Variants in PDS5B observed in about 807,000 individuals in gnomAD.
PDS5B encodes PDS5 cohesin associated factor B, also known as sister chromatid cohesion protein PDS5 homolog B.
A neutral mutation model predicts 184.1 loss-of-function variants in PDS5B; 51 were observed. That is an observed-to-expected ratio of 0.28 (90% CI 0.22 to 0.35). The LOEUF (loss-of-function observed/expected upper bound fraction) is 0.35, where lower values mean the gene tolerates loss of function less well. Among genes scored for constraint, PDS5B ranks in the 10% least tolerant of loss-of-function variants. The pLI is 1.00. For missense variants in PDS5B, 1,180 were observed against 1,723.3 expected, an observed-to-expected ratio of 0.68 and a Z score of 5.58; for synonymous variants, 566 against 569.2, an observed-to-expected ratio of 0.99 and a Z score of 0.08.
chr13:32,587,962 TA>T lies in PDS5B; in HGVS notation c.-20+1372del, dbSNP rs547351829. 1.1e-4 allele frequency among the ~76,000 whole-genome samples: 16 copies of T among 152,350 alleles called. 1 individual carries two copies. The East Asian group carries it at 3.1e-3, about 29-fold the overall frequency. On this transcript the variant is annotated intron_variant, in intron 1 of 34. Transcript: ENST00000315596. ...GTGTTTACATACAGGAGGCGAGCTG[TA>T]AATAAATCGTAATTACCCAATGCTT... is the stretch of plus-strand genomic sequence containing the variant.
chr13:32,751,641 T>C (rs4942880), intron 24 of PDS5B, among the ~76,000 whole-genome samples: 59,032 of 152,118 alleles, frequency 0.39, 11,959 homozygotes, highest in Non-Finnish European at 0.45. Flanking sequence ...GCTTGTTGTC[T>C]GTGTGTATAT....
In PDS5B at chr13:32,753,454, G is replaced by C. The variant is rs181714377; in HGVS notation, c.2859G>C (p.Glu953Asp). Residue 953 changes from glutamate (E) to aspartate (D), a missense_variant, in exon 25 of 35, where the codon GAG (glutamate) becomes GAC (aspartate). Physicochemically the swap from Glu to Asp is conservative, Grantham distance 45. Around this residue, in one of 11 missense-constraint regions of PDS5B, gnomAD observed 40 missense variants for 107.2 expected, o/e 0.37. Transcript: ENST00000315596. ...TTTGTGCAAAAGATCCTGTAAAGGA[G>C]AGAAGAGCTCATGCTAGGCAATGTT... ...CALCAKDPVK[E>D]RRAHARQCLV... 1 of 1,613,910 alleles carries C rather than the reference G, an allele frequency of 6.2e-7. No individual in the cohort carries two copies.
intron 3 of PDS5B, 42 bp from the exon 4 acceptor site, chr13:32,658,197 G>A (rs7335546): frequency 0.38 from 326,716 of 856,964 alleles, 66,117 homozygotes; most frequent in Non-Finnish European, 0.42. Context: ...TTTTCATTTA[G>A]CGTTCATAAT....
At chr13:32,669,295 T>C (rs1033768581) in intron 7 of PDS5B, among the ~76,000 whole-genome samples, 1 of 152,048 alleles carries the variant, frequency 6.6e-6, no homozygotes, top group African/African-American at 2.4e-5. Flanking sequence ...TTTTCTTTTT[T>C]TTTGGAGGGG....
At chr13:32,606,567 G>A (rs2058063816) in intron 1 of PDS5B, among the ~76,000 whole-genome samples, 1 of 152,160 alleles carries the variant, frequency 6.6e-6, no homozygotes, top group Admixed American at 6.5e-5. Flanking sequence ...TTCTCGAGGA[G>A]TATCTTTGTG....
chr13:32,645,703 G>C (rs1000360698), intron 1 of PDS5B, among the ~76,000 whole-genome samples: 1 of 152,110 alleles, frequency 6.6e-6, no homozygotes, highest in Non-Finnish European at 1.5e-5. Flanking sequence ...CTTGTTATCT[G>C]TTTTGTTAAG....
chr13:32,655,215 A>G (rs1344132182), intron 3 of PDS5B, among the ~76,000 whole-genome samples: 2 of 150,514 alleles, frequency 1.3e-5, no homozygotes, highest in Admixed American at 1.3e-4. Flanking sequence ...ACTTTTTAAC[A>G]ATAGCCATTC....
intron 6 of PDS5B, among the ~76,000 whole-genome samples, chr13:32,662,728 A>G (rs75298090): frequency 6.6e-6 from 1 of 152,128 alleles, no homozygotes; most frequent in Non-Finnish European, 1.5e-5. Flanking sequence ...ATGAGAATAA[A>G]CAAATTATAC....
intron 3 of PDS5B, among the ~76,000 whole-genome samples, chr13:32,655,162 C>A (rs1363131155): frequency 6.6e-6 from 1 of 150,608 alleles, no homozygotes; most frequent in African/African-American, 2.4e-5. Flanking sequence ...ATCAGCACTT[C>A]CTTTTCTCTG....
At chr13:32,659,111 A>G (rs755448876) in intron 5 of PDS5B, 43 bp from the exon 6 acceptor site, 2 of 1,457,488 alleles carry the variant, frequency 1.4e-6, no homozygotes, top group Non-Finnish European at 9.3e-7. Flanking sequence ...TAAATCCTGT[A>G]TATCTCAGTT....
At chr13:32,772,633 C>G (rs954171534) in intron 33 of PDS5B, among the ~76,000 whole-genome samples, 5 of 152,280 alleles carry the variant, frequency 3.3e-5, no homozygotes, top group Middle Eastern at 3.4e-3. Context: ...CAAGGACCAT[C>G]TACTGTTCCT....
chr13:32,710,163 G>C lies in PDS5B; in HGVS notation c.2123+57G>C, dbSNP rs1000345674. The stretch of plus-strand genomic sequence containing the variant: ...GACATCAGAAACATAATTATTTCTT[G>C]ATTTATGCAATAATTGGGAATCTTT... On this transcript the variant is annotated intron_variant, in intron 19 of 34. Coordinates refer to ENST00000315596, the MANE Select transcript of PDS5B (RefSeq NM_015032.4). 4.3e-6 allele frequency: 5 copies of C among 1,171,648 alleles called. No individual in the cohort carries two copies. The African/African-American group carries it at 7.8e-5, about 18-fold the overall frequency. 72.6% of individuals were successfully genotyped at this position (1,171,648 alleles called of 1,614,324 possible).
intron 1 of PDS5B, among the ~76,000 whole-genome samples, chr13:32,617,957 G>T (rs888165625): frequency 1.3e-5 from 2 of 152,182 alleles, no homozygotes; most frequent in Non-Finnish European, 2.9e-5. Flanking sequence ...TGGAGGCTGG[G>T]AAGTCCAAGA....
chr13:32,613,754 C>T (rs2058177964), intron 1 of PDS5B, among the ~76,000 whole-genome samples: 1 of 152,076 alleles, frequency 6.6e-6, no homozygotes, highest in African/African-American at 2.4e-5. Flanking sequence ...GTCTGTTTAA[C>T]CTGTTTTTGC....
intron 1 of PDS5B, among the ~76,000 whole-genome samples, chr13:32,634,740 G>A (rs963893871): frequency 1.3e-5 from 2 of 151,616 alleles, no homozygotes; most frequent in African/African-American, 4.8e-5. Context: ...CTGCCACTGC[G>A]CCTGGCTAGT....
At chr13:32,592,040 G>A (rs895946661) in intron 1 of PDS5B, among the ~76,000 whole-genome samples, 1 of 152,156 alleles carries the variant, frequency 6.6e-6, no homozygotes, top group Non-Finnish European at 1.5e-5. Flanking sequence ...CACACAGGAA[G>A]GGAGATTTGA....
intron 6 of PDS5B, among the ~76,000 whole-genome samples, chr13:32,666,547 T>C (rs1055532517): frequency 6.6e-6 from 1 of 152,050 alleles, no homozygotes; most frequent in Admixed American, 6.6e-5. Flanking sequence ...AGTGTATACA[T>C]GTATCAAAAT....
intron 18 of PDS5B, among the ~76,000 whole-genome samples, 175 bp downstream of exon 18, chr13:32,707,214 T>C (rs1952051012): frequency 6.6e-6 from 1 of 152,206 alleles, no homozygotes; most frequent in African/African-American, 2.4e-5. Context: ...ATCTGATTAT[T>C]TTGGGGTTTA....
chr13:32,673,255 A>C lies in PDS5B; in HGVS notation c.745A>C (p.Ser249Arg). The C allele has an allele frequency of 6.2e-7, 1 of 1,613,346 alleles. No individual in the cohort carries two copies. The highest frequency in any genetic ancestry group is 8.5e-7 in the Non-Finnish European group (1 of 1,179,650). ...TCTGATGCTTGGGAAAACATCTATC[A>C]GCGATTTGTCAGAGCATGTCTTTGA... Reference protein sequence around the residue: ...QVLMLGKTSISDLSEHVFDLI... With the variant: ...QVLMLGKTSIRDLSEHVFDLI... The change falls in exon 8 of 35, where the codon AGC becomes CGC. Residue 249 changes from serine to arginine, a missense_variant. This residue lies in a region of PDS5B where 79 missense variants were observed against 124.6 expected (regional missense o/e 0.63). Coordinates refer to ENST00000315596, the MANE Select transcript of PDS5B (RefSeq NM_015032.4).
Sources: gnomAD v4.1 joint callset for allele counts (sites outside exome capture counted in the v4.1 genomes callset) on GRCh38, gnomAD v4.1.1 for gene constraint, gnomAD v4.1.1 regional missense constraint, MANE v1.5 for transcripts, NCBI Gene and HGNC (gene_info 2026-07-23, HGNC 2026-07-21) for gene names.